PCNX2: variants seen among roughly 807,000 people sequenced by gnomAD.
The protein encoded by PCNX2 is pecanex 2, also known as pecanex-like protein 2.
A neutral mutation model predicts 223.8 loss-of-function variants in PCNX2; 168 were observed. The observed-to-expected ratio is 0.75, with a 90% CI of 0.66 to 0.85. PCNX2 has a LOEUF of 0.85. Among genes scored for constraint, PCNX2 ranks in the 40% least tolerant of loss-of-function variants. The pLI, the probability that PCNX2 is intolerant of heterozygous loss-of-function variation, is 0.00. For synonymous variants in PCNX2, 1,006 were observed against 1,052.6 expected, an observed-to-expected ratio of 0.96 and a Z score of 0.86; for missense variants, 2,507 against 2,675.5, an observed-to-expected ratio of 0.94 and a Z score of 1.39.
intron 12 of PCNX2, among the ~76,000 whole-genome samples, chr1:233,216,449 A>G (rs1379914615): frequency 6.6e-6 from 1 of 152,234 alleles, no homozygotes; most frequent in Non-Finnish European, 1.5e-5. Context: ...TTCATGTAAA[A>G]AGAATAAACG....
At chr1:233,249,805 G>A (rs934007781) in intron 8 of PCNX2, among the ~76,000 whole-genome samples, 6 of 152,206 alleles carry the variant, frequency 3.9e-5, no homozygotes, top group Admixed American at 2.0e-4. Context: ...AACAGTAGTG[G>A]CTTTAAAGAG....
the PCNX2 span, among the ~76,000 whole-genome samples, chr1:233,319,934 C>T: frequency 6.6e-6 from 1 of 152,018 alleles, no homozygotes; most frequent in Admixed American, 6.6e-5. Context: ...CAAACTAAAA[C>T]ATATAGGTAA....
intron 26 of PCNX2, among the ~76,000 whole-genome samples, chr1:233,020,420 G>C (rs1175678378): frequency 6.6e-6 from 1 of 152,240 alleles, no homozygotes; most frequent in Non-Finnish European, 1.5e-5. Context: ...ACATAAATCG[G>C]GGCAGTGACA....
At chr1:233,153,386 G>A (rs1374382026) in intron 19 of PCNX2, among the ~76,000 whole-genome samples, 1 of 152,192 alleles carries the variant, frequency 6.6e-6, no homozygotes, top group Non-Finnish European at 1.5e-5. Context: ...TGTGTGGAAA[G>A]TTGGAATGAG....
Position 233,000,179 on chromosome 1 carries a change from C to A in PCNX2, c.5328+126G>T, listed in dbSNP as rs963738062. ...CAGCCAGCGCTCCTTCCAGAACATC[C>A]CTCTGAACAGAGGATGCTGGCACAG... On this transcript the variant is annotated intron_variant, in intron 30 of 33. Coordinates refer to ENST00000258229, the MANE Select transcript of PCNX2 (RefSeq NM_014801.4). The surrounding 1 kb of genome is among the most constrained non-coding windows in gnomAD (Gnocchi z 4.6). 1 of 980,984 alleles carries A rather than the reference C, an allele frequency of 1.0e-6. No homozygotes were observed. 60.8% of individuals were successfully genotyped at this position (980,984 alleles called of 1,614,324 possible). A position where few individuals can be genotyped will look rare whatever the true frequency, so the allele number is the denominator to read the frequency against.
intron 8 of PCNX2, among the ~76,000 whole-genome samples, chr1:233,249,799 G>C (rs932725495): frequency 1.3e-5 from 2 of 152,210 alleles, no homozygotes; most frequent in African/African-American, 4.8e-5. Flanking sequence ...GTAAGAAACA[G>C]TAGTGGCTTT....
At chr1:233,022,822 C>G (rs1189270824) in intron 26 of PCNX2, among the ~76,000 whole-genome samples, 2 of 151,738 alleles carry the variant, frequency 1.3e-5, no homozygotes, top group Non-Finnish European at 2.9e-5. Flanking sequence ...CTCAGCCTCC[C>G]GAATAGCTGG....
chr1:233,274,902 C>T (rs1311022068), intron 1 of PCNX2, among the ~76,000 whole-genome samples: 1 of 152,140 alleles, frequency 6.6e-6, no homozygotes, highest in Non-Finnish European at 1.5e-5. Context: ...TTGGTATCTA[C>T]ATTTTACAAA....
At chr1:233,294,507 TA>T (rs527590483) in intron 1 of PCNX2, among the ~76,000 whole-genome samples, 8 of 151,926 alleles carry the variant, frequency 5.3e-5, no homozygotes. Flanking sequence ...ATTTTTGCTG[TA>T]AAAAAAATGA....
At chr1:233,034,303 CAGG>C (rs985740313) in intron 25 of PCNX2, among the ~76,000 whole-genome samples, 5 of 152,116 alleles carry the variant, frequency 3.3e-5, no homozygotes, top group Admixed American at 3.3e-4. Flanking sequence ...GTAGTGCCCT[CAGG>C]AGAACAGACA....
intron 23 of PCNX2, among the ~76,000 whole-genome samples, chr1:233,086,610 G>C (rs1030540711): frequency 6.6e-6 from 1 of 152,136 alleles, no homozygotes; most frequent in Non-Finnish European, 1.5e-5. Flanking sequence ...GGCGGAGCTT[G>C]CAGTGAGTGG....
At chr1:233,140,281 C>T (rs74145058) in intron 19 of PCNX2, among the ~76,000 whole-genome samples, 1,625 of 152,230 alleles carry the variant, frequency 0.011, 33 homozygotes, top group African/African-American at 0.038. Context: ...TTCTTCTCTC[C>T]CTTTTTAATC....
At chr1:233,263,690 A>G (rs1660182742) in intron 1 of PCNX2, among the ~76,000 whole-genome samples, 1 of 152,138 alleles carries the variant, frequency 6.6e-6, no homozygotes, top group Admixed American at 6.5e-5. Context: ...TCCTGACCTC[A>G]GGTGATCCGC....
At chr1:233,287,284 T>C (rs1430838870) in intron 1 of PCNX2, among the ~76,000 whole-genome samples, 1 of 152,188 alleles carries the variant, frequency 6.6e-6, no homozygotes, top group Non-Finnish European at 1.5e-5. Flanking sequence ...CTTTTGTACA[T>C]TTTTAGTGTT....
chr1:233,325,906 A>G, the PCNX2 span, among the ~76,000 whole-genome samples: 2 of 152,208 alleles, frequency 1.3e-5, no homozygotes, highest in African/African-American at 4.8e-5. Context: ...CCCATGCTAC[A>G]GAGAAGTCTT....
chr1:233,235,308 G>C (rs906484767), intron 9 of PCNX2, among the ~76,000 whole-genome samples: 1 of 152,146 alleles, frequency 6.6e-6, no homozygotes, highest in Non-Finnish European at 1.5e-5. Context: ...TTTGTTTTGA[G>C]AGAGGATCTC....
In PCNX2 at chr1:233,090,083, T is replaced by C; in HGVS notation, c.4054A>G (p.Lys1352Glu). ...TACTTGTAGTTTTTCTCCCAGAATT[T>C]CACTGGCCTGACATATGATGTGATG... ...IFITSYVRPV[K>E]FWEKNYNTRR... The change falls in exon 23 of 34, where the codon AAA (lysine) becomes GAA (glutamate). Residue 1352 changes from lysine to glutamate, a missense_variant. Lys to Glu is a moderately conservative substitution (Grantham distance 56). This residue lies in a region of PCNX2 where 1,372 missense variants were observed against 1,509.4 expected (regional missense o/e 0.91). Coordinates refer to ENST00000258229, the MANE Select transcript of PCNX2 (RefSeq NM_014801.4). 6.2e-7 allele frequency: 1 copy of C among 1,613,878 alleles called. No homozygotes were observed. Among genetic ancestry groups the C allele is most frequent in the Non-Finnish European group, 8.5e-7 (1 of 1,179,866 alleles).
At chr1:233,129,651 C>G (rs759315459) in intron 21 of PCNX2, among the ~76,000 whole-genome samples, 20 of 152,220 alleles carry the variant, frequency 1.3e-4, no homozygotes, top group Non-Finnish European at 2.6e-4. Flanking sequence ...AATCAGCACC[C>G]TGTGTCTAGC....
chr1:233,151,719 G>C (rs1400721999), intron 19 of PCNX2, among the ~76,000 whole-genome samples: 1 of 152,000 alleles, frequency 6.6e-6, no homozygotes, highest in Non-Finnish European at 1.5e-5. Context: ...TTGTTGCCCA[G>C]GCTGGAGTGC....
Sources: gnomAD v4.1 joint callset for allele counts (sites outside exome capture counted in the v4.1 genomes callset) on GRCh38, gnomAD v4.1.1 for gene constraint, gnomAD v4.1.1 regional missense constraint, Gnocchi (gnomAD v3.1) non-coding constraint, MANE v1.5 for transcripts, NCBI Gene and HGNC (gene_info 2026-07-23, HGNC 2026-07-21) for gene names.